The following ATRNL1 variants were observed in gnomAD, a reference collection of about 807,000 sequenced individuals.
ATRNL1 encodes attractin like 1, also known as attractin-like protein 1.
A neutral mutation model predicts 182.7 loss-of-function variants in ATRNL1; 95 were observed. The observed-to-expected ratio is 0.52, with a 90% CI of 0.44 to 0.62. ATRNL1 has a LOEUF of 0.62. Among genes scored for constraint, ATRNL1 ranks in the 20% least tolerant of loss-of-function variants. ATRNL1 has a pLI of 0.00. For missense variants in ATRNL1, 1,471 were observed against 1,679.5 expected (o/e 0.88, Z 2.17); for synonymous variants, 576 against 568.3 (o/e 1.01, Z -0.19).
chr10:115,559,443 T>TGTGTGC (rs200694810), intron 26 of ATRNL1, among the ~76,000 whole-genome samples: 6 of 77,786 alleles, frequency 7.7e-5, no homozygotes, highest in South Asian at 3.4e-4. Context: ...TGTGTGTGTG[T>TGTGTGC]GCGCGCGCGC....
At chr10:115,234,030 A>G (rs1850072183) in intron 9 of ATRNL1, among the ~76,000 whole-genome samples, 1 of 152,040 alleles carries the variant, frequency 6.6e-6, no homozygotes, top group Admixed American at 6.6e-5. Context: ...TAGAACATTT[A>G]TCACATGTAT....
At chr10:115,526,636 C>G (rs1554986621) in intron 25 of ATRNL1, among the ~76,000 whole-genome samples, 1 of 152,192 alleles carries the variant, frequency 6.6e-6, no homozygotes, top group African/African-American at 2.4e-5. Flanking sequence ...GCCTGCCAAT[C>G]AGTGAGTGAA....
intron 28 of ATRNL1, among the ~76,000 whole-genome samples, chr10:115,918,378 C>T (rs1952942608): frequency 6.6e-6 from 1 of 152,140 alleles, no homozygotes; most frequent in African/African-American, 2.4e-5. Flanking sequence ...CCTAGGATTA[C>T]AGGCATGAGC....
intron 26 of ATRNL1, among the ~76,000 whole-genome samples, chr10:115,588,646 T>C (rs1213998036): frequency 2.0e-5 from 3 of 152,134 alleles, no homozygotes; most frequent in African/African-American, 7.2e-5. Context: ...TCCCAGTCAT[T>C]AGGTGCTGTC....
chr10:115,148,673 A>C (rs1846075652), intron 5 of ATRNL1, among the ~76,000 whole-genome samples: 2 of 152,122 alleles, frequency 1.3e-5, no homozygotes, highest in Non-Finnish European at 2.9e-5. Context: ...AGGCAAAGTA[A>C]AGAAGAGAAA....
In ATRNL1 at chr10:115,917,011, A is replaced by G. The variant is rs80194560; in HGVS notation, c.4019-27647A>G. ...TTTCACTTTTGCAATACAAGTGAAGAGAGCTGCTATATACAGCCTTACAGG... is the reference window on the plus strand; with the variant it reads ...TTTCACTTTTGCAATACAAGTGAAGGGAGCTGCTATATACAGCCTTACAGG... On this transcript the variant is annotated intron_variant, in intron 28 of 28. Coordinates refer to ENST00000355044, the MANE Select transcript of ATRNL1 (RefSeq NM_207303.4). 7.7e-4 allele frequency among the ~76,000 whole-genome samples: 117 copies of G among 152,334 alleles called. 1 individual carries two copies. The East Asian group carries it at 8.9e-3, about 12-fold the overall frequency.
chr10:115,594,583 C>T (rs779160606), intron 26 of ATRNL1, among the ~76,000 whole-genome samples: 9 of 152,128 alleles, frequency 5.9e-5, no homozygotes, highest in African/African-American at 1.2e-4. Context: ...CGTGGCTCAC[C>T]GCAATCTCCG....
chr10:115,161,010 G>A (rs751030531), intron 6 of ATRNL1, among the ~76,000 whole-genome samples: 6 of 151,684 alleles, frequency 4.0e-5, no homozygotes, highest in Non-Finnish European at 5.9e-5. Context: ...TAAAAAACAA[G>A]TACATTTTTA....
At chr10:115,809,496 T>C (rs1240220247) in intron 27 of ATRNL1, among the ~76,000 whole-genome samples, 1 of 152,050 alleles carries the variant, frequency 6.6e-6, no homozygotes, top group Non-Finnish European at 1.5e-5. Context: ...TTAACTTCTG[T>C]CAGTAATGGA....
intron 28 of ATRNL1, among the ~76,000 whole-genome samples, chr10:115,929,858 A>G (rs2134589189): frequency 6.6e-6 from 1 of 152,236 alleles, no homozygotes; most frequent in African/African-American, 2.4e-5. Context: ...GCTTTCCTAT[A>G]TAAACATGTT....
At chr10:115,370,748 C>T (rs1857351485) in intron 19 of ATRNL1, among the ~76,000 whole-genome samples, 1 of 152,170 alleles carries the variant, frequency 6.6e-6, no homozygotes, top group Admixed American at 6.5e-5. Flanking sequence ...AAGAACATCC[C>T]ATTTTTCTGA....
intron 26 of ATRNL1, among the ~76,000 whole-genome samples, chr10:115,668,033 TGA>T (rs1861101649): frequency 6.6e-6 from 1 of 152,030 alleles, no homozygotes; most frequent in African/African-American, 2.4e-5. Context: ...AGATGAGACT[TGA>T]TGGGAGAAGC....
intron 1 of ATRNL1, among the ~76,000 whole-genome samples, chr10:115,105,829 C>G (rs745608451): frequency 6.6e-6 from 1 of 152,168 alleles, no homozygotes; most frequent in Non-Finnish European, 1.5e-5. Flanking sequence ...TTTATGGAAA[C>G]GCCTGGATGT....
At chr10:115,133,442 A>G (rs1845354984) in intron 5 of ATRNL1, among the ~76,000 whole-genome samples, 3 of 152,062 alleles carry the variant, frequency 2.0e-5, no homozygotes, top group Admixed American at 2.0e-4. Context: ...ACATCAAAAG[A>G]GATAAAGAAG....
Position 115,540,152 on chromosome 10 carries a change from A to AATAT in ATRNL1, c.3717-9302_3717-9299dup, listed in dbSNP as rs200471496. Among the ~76,000 whole-genome samples, 213 of 147,572 alleles carry AATAT rather than the reference A, an allele frequency of 1.4e-3. 4 individuals are homozygous for AATAT. Among genetic ancestry groups the AATAT allele is most frequent in the East Asian group, 5.8e-3 (29 of 5,006 alleles). ...ATAATAATAAATAAATAAATAAATA[A>AATAT]ATATATAGTGCTTTATAAACTTCTG... is the stretch of plus-strand genomic sequence containing the variant. On this transcript the variant is annotated intron_variant, in intron 25 of 28. Coordinates refer to ENST00000355044, the MANE Select transcript of ATRNL1 (RefSeq NM_207303.4).
intron 28 of ATRNL1, among the ~76,000 whole-genome samples, chr10:115,909,945 G>T (rs1952623572): frequency 6.6e-6 from 1 of 152,116 alleles, no homozygotes. Flanking sequence ...GGCATTAGAA[G>T]TAACTAAATA....
intron 10 of ATRNL1, among the ~76,000 whole-genome samples, chr10:115,255,768 G>A (rs1181963165): frequency 6.6e-6 from 1 of 152,194 alleles, no homozygotes; most frequent in African/African-American, 2.4e-5. Flanking sequence ...GATACTGGCT[G>A]TGGGTTTTTC....
intron 24 of ATRNL1, among the ~76,000 whole-genome samples, chr10:115,501,737 AAAAAC>A (rs1344024056): frequency 6.6e-6 from 1 of 152,216 alleles, no homozygotes; most frequent in African/African-American, 2.4e-5. Context: ...TTGACATTGA[AAAAAC>A]AAAACAAAGG....
intron 24 of ATRNL1, among the ~76,000 whole-genome samples, chr10:115,496,675 G>T (rs1849565066): frequency 6.6e-6 from 1 of 152,162 alleles, no homozygotes; most frequent in South Asian, 2.1e-4. Context: ...TGGAAATGAA[G>T]TTTTTGATTT....
Sources: allele counts gnomAD v4.1 joint callset (sites outside exome capture counted in the v4.1 genomes callset), GRCh38; gene constraint gnomAD v4.1.1; transcripts MANE v1.5; gene names NCBI Gene and HGNC (gene_info 2026-07-23, HGNC 2026-07-21).